Variants in SPACA3 observed in about 807,000 individuals in gnomAD.
SPACA3 encodes the protein sperm acrosome associated 3, also known as sperm acrosome membrane-associated protein 3.
A neutral mutation model predicts 24.5 loss-of-function variants in SPACA3; 21 were observed. The ratio of observed to expected loss-of-function variants is 0.86; its 90% CI spans 0.61 to 1.24. SPACA3 has a LOEUF of 1.24. SPACA3 is among the 50% of genes most tolerant of loss of function. The pLI, the probability that SPACA3 is intolerant of heterozygous loss-of-function variation, is 0.00. For synonymous variants in SPACA3, 115 were observed against 106.9 expected (o/e 1.08, Z -0.47); for missense variants, 278 against 275.5 (o/e 1.01, Z -0.06).
intron 2 of SPACA3, 54 bp downstream of exon 2, chr17:32,995,771 TTCCCTCCCTCTC>T: frequency 6.4e-7 from 1 of 1,556,240 alleles, no homozygotes; most frequent in South Asian, 1.2e-5. Context: ...CCCTCCCTCT[TTCCCTCCCTCTC>T]TCCTTCTCAT....
chr17:32,992,532 A>AGCC (rs2091695773), intron 1 of SPACA3, among the ~76,000 whole-genome samples: 1 of 152,220 alleles, frequency 6.6e-6, no homozygotes, highest in South Asian at 2.1e-4. Flanking sequence ...AAATAAGACC[A>AGCC]GCCGCCGTTC....
intron 2 of SPACA3, among the ~76,000 whole-genome samples, chr17:32,996,620 C>T (rs952282922): frequency 2.6e-5 from 4 of 152,166 alleles, no homozygotes; most frequent in Non-Finnish European, 5.9e-5. Context: ...AGGCCAGCCC[C>T]AACCCATGCT....
Position 32,991,975 on chromosome 17 carries a change from G to A in SPACA3, c.34+3G>A. ...TCTGCGGGGAGCACCCCTGATCAGTGAGCCCCCTTTCCCTTCTTCCTGGGG... is the reference window on the plus strand; with the variant it reads ...TCTGCGGGGAGCACCCCTGATCAGTAAGCCCCCTTTCCCTTCTTCCTGGGG... On this transcript the variant is annotated splice_donor_region_variant and intron_variant, in intron 1 of 4. Coordinates refer to ENST00000269053, the MANE Select transcript of SPACA3 (RefSeq NM_173847.5). 1 of 1,613,810 alleles carries A rather than the reference G, an allele frequency of 6.2e-7. No homozygotes were observed. The highest frequency in any genetic ancestry group is 8.5e-7 in the Non-Finnish European group (1 of 1,179,964).
At chr17:32,992,358 A>G (rs1171116268) in intron 1 of SPACA3, among the ~76,000 whole-genome samples, 1 of 152,114 alleles carries the variant, frequency 6.6e-6, no homozygotes, top group Non-Finnish European at 1.5e-5. Context: ...CAAAGACTTG[A>G]CAAACTCCAC....
chr17:32,997,469 A>G lies in SPACA3; in HGVS notation c.527A>G (p.Asp176Gly). Residue 176 changes from aspartate to glycine, a missense_variant, in exon 4 of 5, where the codon GAT becomes GGT. Asp to Gly is a moderately conservative substitution (Grantham distance 94). Transcript: ENST00000269053. Reference protein sequence around the residue: ...CSDLLNPNLKDTVICAMKITQ... With the variant: ...CSDLLNPNLKGTVICAMKITQ... ...GATTTGTTGAATCCTAATCTCAAGG[A>G]TACCGTTATCTGTGCCATGAAGATA... The G allele has an allele frequency of 6.2e-7, 1 of 1,614,118 alleles. No individual in the cohort carries two copies. The highest frequency in any genetic ancestry group is 8.5e-7 in the Non-Finnish European group (1 of 1,180,008).
At position 32,996,971 on chromosome 17, in the gene SPACA3, G is replaced by A. The variant is rs1207233909; in HGVS notation, c.472G>A (p.Val158Ile). 1.4e-5 allele frequency: 22 copies of A among 1,584,034 alleles called. No individual in the cohort carries two copies. The highest frequency in any genetic ancestry group is 2.7e-5 in the African/African-American group (2 of 73,950). ...RRWCSNLTPNVPNVCRMYCSD... is the reference protein window; with the variant it reads ...RRWCSNLTPNIPNVCRMYCSD... ...GTGGTGCAGCAACCTCACCCCGAACGTCCCCAACGTGTGCCGGATGTACTG... is the reference window on the plus strand; with the variant it reads ...GTGGTGCAGCAACCTCACCCCGAACATCCCCAACGTGTGCCGGATGTACTG... The change falls in exon 3 of 5, where the codon GTC becomes ATC. Residue 158 changes from valine to isoleucine, a missense_variant. Transcript: ENST00000269053.
chr17:32,994,622 TG>T (rs1410920522), intron 1 of SPACA3, among the ~76,000 whole-genome samples: 2 of 152,000 alleles, frequency 1.3e-5, no homozygotes, highest in African/African-American at 4.8e-5. Context: ...TGGTGGGCAG[TG>T]GGATAGGAGC....
chr17:32,992,753 G>T (rs958130687), intron 1 of SPACA3: 2 of 398,124 alleles, frequency 5.0e-6, no homozygotes, highest in Non-Finnish European at 5.0e-6. Flanking sequence ...AGAAAGCAAG[G>T]TCATTGTGAG....
At position 32,996,832 on chromosome 17, in the gene SPACA3, G is replaced by A. The variant is rs772704491; in HGVS notation, c.344-11G>A. The A allele has an allele frequency of 6.4e-6, 10 of 1,562,728 alleles. No individual in the cohort carries two copies. In the East Asian group the frequency reaches 2.1e-4, roughly 33 times the overall value. On this transcript the variant is annotated splice_polypyrimidine_tract_variant and intron_variant, in intron 2 of 4. Transcript: ENST00000269053. ...CATCTGACCCCCAGGCCTATGCTCT[G>A]CCCTATGCAGGGGTCTGCCTTGCTT...
At chr17:32,997,616 G>T in intron 4 of SPACA3, 93 bp downstream of exon 4, 1 of 1,547,616 alleles carries the variant, frequency 6.5e-7, no homozygotes, top group Non-Finnish European at 8.9e-7. Flanking sequence ...CTCACTTCTG[G>T]TTTAGAGACC....
At chr17:32,993,954 A>G (rs1405358209) in intron 1 of SPACA3, among the ~76,000 whole-genome samples, 1 of 152,092 alleles carries the variant, frequency 6.6e-6, no homozygotes, top group Non-Finnish European at 1.5e-5. Context: ...CCCGTACCCA[A>G]ACAATGACGG....
rs144411956 is a variant in SPACA3 at position 32,994,195 on chromosome 17, G to A, written c.35-1214G>A. Among the ~76,000 whole-genome samples the A allele has an allele frequency of 1.2e-3, 190 of 152,256 alleles. 1 individual carries two copies. Among genetic ancestry groups the A allele is most frequent in the African/African-American group, 3.9e-3 (164 of 41,536 alleles). ...GAGAGAAGTCTGAGCAGAGACAAGC[G>A]CGAGTACCAGTGTTAGTTGTAGTTC... On this transcript the variant is annotated intron_variant, in intron 1 of 4. Coordinates refer to ENST00000269053, the MANE Select transcript of SPACA3 (RefSeq NM_173847.5).
intron 1 of SPACA3, chr17:32,992,920 AT>A: frequency 2.1e-6 from 1 of 471,136 alleles, no homozygotes; most frequent in Non-Finnish European, 4.4e-6. Flanking sequence ...CATTTAACAA[AT>A]TTGTTCTGAT....
intron 1 of SPACA3, chr17:32,993,054 C>A: frequency 4.6e-6 from 2 of 435,294 alleles, no homozygotes; most frequent in East Asian, 7.2e-5. Flanking sequence ...GTGGAATCCA[C>A]AGGACATTGG....
In SPACA3 at chr17:32,991,848, A is replaced by C; in HGVS notation, c.-91A>C. The C allele has an allele frequency of 6.3e-7, 1 of 1,580,730 alleles. No individual in the cohort carries two copies. Among genetic ancestry groups the C allele is most frequent in the Non-Finnish European group, 8.7e-7 (1 of 1,151,526 alleles). On this transcript the variant is annotated 5_prime_UTR_variant, in exon 1 of 5. Transcript: ENST00000269053. ...GCCTGCCTTCCCCATTGTTCTCTTA[A>C]CACTGGGTGCCTGGGGCCCTGGCAA...
intron 2 of SPACA3, 50 bp downstream of exon 2, chr17:32,995,767 C>A: frequency 6.4e-7 from 1 of 1,563,654 alleles, no homozygotes; most frequent in South Asian, 1.2e-5. Context: ...ACCTCCCTCC[C>A]TCTTTCCCTC....
In SPACA3 at chr17:32,995,545, C is replaced by T; in HGVS notation, c.171C>T (p.Ser57=). 1 of 1,614,228 alleles carries T rather than the reference C, an allele frequency of 6.2e-7. No individual in the cohort carries two copies. Among genetic ancestry groups the T allele is most frequent in the Admixed American group, 1.7e-5 (1 of 60,030 alleles). ...CTGCCGCCGGCATAGAAGCCAGGAG[C>T]AGGGCTCTCAGAAGGCGGTGGTGCC... is the stretch of plus-strand genomic sequence containing the variant. ...STSAAGIEAR[S]RALRRRWCPA... is the part of the protein sequence containing the mutation. The change falls in exon 2 of 5, where the codon AGC becomes AGT. Residue 57 remains serine, a synonymous_variant. Coordinates refer to ENST00000269053, the MANE Select transcript of SPACA3 (RefSeq NM_173847.5).
intron 1 of SPACA3, chr17:32,992,927 C>T (rs2091698769): frequency 1.1e-5 from 5 of 470,908 alleles, no homozygotes. Context: ...CAAATTTGTT[C>T]TGATGGATGT....
At chr17:32,992,788 A>T in intron 1 of SPACA3, 1 of 431,916 alleles carries the variant, frequency 2.3e-6, no homozygotes, top group Non-Finnish European at 4.7e-6. Context: ...CTGCTGAAAC[A>T]TAACGTGTGA....
Sources: gnomAD v4.1 joint callset for allele counts (sites outside exome capture counted in the v4.1 genomes callset) on GRCh38, gnomAD v4.1.1 for gene constraint, MANE v1.5 for transcripts, NCBI Gene and HGNC (gene_info 2026-07-23, HGNC 2026-07-21) for gene names.